KSR2: variants seen among roughly 807,000 people sequenced by gnomAD.
KSR2 encodes the protein kinase suppressor of ras 2.
Under a neutral mutation model 107.8 loss-of-function variants are expected in KSR2, and 25 were observed. The ratio of observed to expected loss-of-function variants is 0.23; its 90% CI spans 0.17 to 0.32. The LOEUF is 0.32. KSR2 is among the 10% of genes least tolerant of loss of function. KSR2 has a pLI of 1.00. For missense variants in KSR2, 887 were observed against 1,268.9 expected, an observed-to-expected ratio of 0.70 and a Z score of 4.57; for synonymous variants, 480 against 507.0, an observed-to-expected ratio of 0.95 and a Z score of 0.71.
At chr12:117,623,812 T>C (rs1384622600) in intron 5 of KSR2, among the ~76,000 whole-genome samples, 1 of 152,222 alleles carries the variant, frequency 6.6e-6, no homozygotes, top group Non-Finnish European at 1.5e-5. Context: ...CACACTGTCT[T>C]CCACAATGGT....
chr12:117,725,790 T>C (rs1175909404), intron 4 of KSR2, among the ~76,000 whole-genome samples: 4 of 151,108 alleles, frequency 2.6e-5, no homozygotes, highest in African/African-American at 9.7e-5. Context: ...TACTAAAAAA[T>C]ACAAAAATTA....
chr12:117,643,482 C>T (rs1339627611), intron 5 of KSR2, among the ~76,000 whole-genome samples: 2 of 152,058 alleles, frequency 1.3e-5, no homozygotes, highest in Non-Finnish European at 2.9e-5. Context: ...AACAAAATAG[C>T]CATTTATCAT....
At chr12:117,666,823 C>A (rs978709404) in intron 5 of KSR2, among the ~76,000 whole-genome samples, 2 of 152,122 alleles carry the variant, frequency 1.3e-5, no homozygotes, top group Non-Finnish European at 2.9e-5. Flanking sequence ...CCCCTCTGAC[C>A]ACATCTGTGC....
chr12:117,484,685 G>T, intron 15 of KSR2, 136 bp from the exon 16 acceptor site: 1 of 843,210 alleles, frequency 1.2e-6, no homozygotes, highest in Non-Finnish European at 1.8e-6. Flanking sequence ...AGGGCCTGGG[G>T]TCTGACCGTG....
chr12:117,548,352 A>T (rs1877033569), intron 9 of KSR2, among the ~76,000 whole-genome samples: 1 of 152,044 alleles, frequency 6.6e-6, no homozygotes, highest in Admixed American at 6.5e-5. Context: ...TCCTCAGCCT[A>T]CTCAACATGA....
At chr12:117,905,898 C>A (rs10850934) in intron 1 of KSR2, among the ~76,000 whole-genome samples, 21,207 of 150,194 alleles carry the variant, frequency 0.14, 1,716 homozygotes, top group East Asian at 0.32. Flanking sequence ...AAAAGTAGGA[C>A]GATAGTACAT....
intron 3 of KSR2, among the ~76,000 whole-genome samples, chr12:117,804,624 A>T (rs1356636120): frequency 6.6e-6 from 1 of 152,152 alleles, no homozygotes; most frequent in Non-Finnish European, 1.5e-5. Flanking sequence ...TATCTCCTTG[A>T]GAAAGACAAA....
chr12:117,597,768 A>T (rs1221400985), intron 5 of KSR2, among the ~76,000 whole-genome samples: 6 of 152,348 alleles, frequency 3.9e-5, no homozygotes, highest in African/African-American at 1.4e-4. Flanking sequence ...CTTTTGCATC[A>T]ACCTAGTATT....
chr12:117,564,019 A>C (rs1344931808), intron 7 of KSR2, among the ~76,000 whole-genome samples: 3 of 151,926 alleles, frequency 2.0e-5, no homozygotes, highest in African/African-American at 7.3e-5. Flanking sequence ...TATTAACAGA[A>C]ATTCAGAGCA....
intron 1 of KSR2, among the ~76,000 whole-genome samples, chr12:117,961,037 A>T (rs924801391): frequency 2.0e-5 from 3 of 152,058 alleles, no homozygotes; most frequent in Non-Finnish European, 2.9e-5. Context: ...GGGTTCAAGC[A>T]ATCCTCCCAC....
intron 5 of KSR2, among the ~76,000 whole-genome samples, chr12:117,666,749 C>T (rs890183365): frequency 3.3e-5 from 5 of 152,208 alleles, no homozygotes; most frequent in African/African-American, 1.2e-4. Context: ...TTCTCTTGAG[C>T]AACCAATCAA....
intron 3 of KSR2, among the ~76,000 whole-genome samples, chr12:117,834,865 T>C (rs1892134277): frequency 6.6e-6 from 1 of 152,230 alleles, no homozygotes; most frequent in Non-Finnish European, 1.5e-5. Context: ...AATTAATTTT[T>C]TTATGTTCAA....
chr12:117,845,632 C>A (rs1051964467), intron 3 of KSR2, among the ~76,000 whole-genome samples: 1 of 152,028 alleles, frequency 6.6e-6, no homozygotes, highest in Non-Finnish European at 1.5e-5. Context: ...GCTGATTCAA[C>A]CCATTGAAAT....
chr12:117,944,328 A>G (rs1466517686), intron 1 of KSR2, among the ~76,000 whole-genome samples: 1 of 152,210 alleles, frequency 6.6e-6, no homozygotes, highest in East Asian at 1.9e-4. Flanking sequence ...GTGAGCCGAG[A>G]TCGTGCCATT....
rs1870886159 is a variant in KSR2 at position 117,461,318 on chromosome 12, T to C, written c.*5881A>G. On this transcript the variant is annotated 3_prime_UTR_variant, in exon 20 of 20. Transcript: ENST00000339824. ...ACAAACAAACTCATTGGGGTTGATA[T>C]GGCACCCACAACATGGTCTGGCAAA... The C allele has an allele frequency of 6.6e-6, 1 of 152,282 alleles. No individual in the cohort carries two copies. Among genetic ancestry groups the C allele is most frequent in the African/African-American group, 2.4e-5 (1 of 41,434 alleles). The allele number at this position is 152,282 out of a possible 1,614,324, so 9.4% of individuals were successfully genotyped here. A position where few individuals can be genotyped will look rare whatever the true frequency, so the allele number is the denominator to read the frequency against.
chr12:117,768,653 G>C (rs1032953904), intron 3 of KSR2, among the ~76,000 whole-genome samples: 1 of 152,194 alleles, frequency 6.6e-6, no homozygotes, highest in Non-Finnish European at 1.5e-5. Context: ...ATCTGGATGG[G>C]AGATGACGGG....
chr12:117,956,116 G>C (rs1896504254), intron 1 of KSR2, among the ~76,000 whole-genome samples: 1 of 151,620 alleles, frequency 6.6e-6, no homozygotes, highest in South Asian at 2.1e-4. Context: ...CAGGCGTGGT[G>C]GCGGGCGCCT....
intron 3 of KSR2, among the ~76,000 whole-genome samples, chr12:117,803,147 T>A (rs1397245372): frequency 1.3e-5 from 2 of 152,118 alleles, no homozygotes; most frequent in African/African-American, 4.8e-5. Context: ...AGTTAAGTAA[T>A]AACAAGCCCT....
chr12:117,922,824 C>T (rs996843216), intron 1 of KSR2, among the ~76,000 whole-genome samples: 8 of 152,104 alleles, frequency 5.3e-5, no homozygotes, highest in Admixed American at 4.6e-4. Flanking sequence ...GAAAATAGTC[C>T]GTCCTCATTA....
Sources: allele counts gnomAD v4.1 joint callset (sites outside exome capture counted in the v4.1 genomes callset), GRCh38; gene constraint gnomAD v4.1.1; transcripts MANE v1.5; gene names NCBI Gene and HGNC (gene_info 2026-07-23, HGNC 2026-07-21).